The following MYCN variants were observed in gnomAD, a reference collection of about 807,000 sequenced individuals.
The protein encoded by MYCN is MYCN proto-oncogene, bHLH transcription factor, also known as N-myc proto-oncogene protein.
MYCN carries 3 observed loss-of-function variants against 28.1 expected under a neutral mutation model. That is an observed-to-expected ratio of 0.11 (90% CI 0.05 to 0.28). The LOEUF is 0.28. Ranked by LOEUF, MYCN falls within the 10% of genes least tolerant of loss-of-function variation. MYCN has a pLI of 1.00. For missense variants in MYCN, 572 were observed against 651.4 expected, an observed-to-expected ratio of 0.88 and a Z score of 1.33; for synonymous variants, 326 against 288.3, an observed-to-expected ratio of 1.13 and a Z score of -1.32.
chr2:15,946,578 A>AG lies in MYCN; in HGVS notation c.*482dup. 3.1e-6 allele frequency: 1 copy of AG among 322,086 alleles called. No individual in the cohort carries two copies. Among genetic ancestry groups the AG allele is most frequent in the East Asian group, 4.7e-5 (1 of 21,340 alleles). 20.0% of individuals were successfully genotyped at this position (322,086 alleles called of 1,614,324 possible). A position where few individuals can be genotyped will look rare whatever the true frequency, so the allele number is the denominator to read the frequency against. ...CTTTTGCGGCCAGTATTAGACTGGA[A>AG]GTTCATACCTAAGTACTGTAATAAT... On this transcript the variant is annotated 3_prime_UTR_variant, in exon 3 of 3. Coordinates refer to ENST00000281043, the MANE Select transcript of MYCN (RefSeq NM_005378.6).
At position 15,945,493 on chromosome 2, in the gene MYCN, A is replaced by C; in HGVS notation, c.791A>C (p.Asp264Ala). The C allele has an allele frequency of 6.2e-7, 1 of 1,603,100 alleles. No individual in the cohort carries two copies. Among genetic ancestry groups the C allele is most frequent in the Non-Finnish European group, 8.5e-7 (1 of 1,174,324 alleles). The change falls in exon 3 of 3, where the codon GAT becomes GCT. Residue 264 changes from aspartate (D) to alanine (A), a missense_variant and splice_region_variant. Coordinates refer to ENST00000281043, the MANE Select transcript of MYCN (RefSeq NM_005378.6). The surrounding 1 kb of genome is among the most constrained non-coding windows in gnomAD (Gnocchi z 4.8). ...TSGEDTLSDSDDEDDEEEDEE... is the reference protein window; with the variant it reads ...TSGEDTLSDSADEDDEEEDEE... Reference sequence around the variant, plus strand: ...AGAGTAACTAGCATCTTTCTCTCAGATGATGAAGATGATGAAGAGGAAGAT... The same window carrying C: ...AGAGTAACTAGCATCTTTCTCTCAGCTGATGAAGATGATGAAGAGGAAGAT...
rs1269260938 is a variant in MYCN at position 15,942,902 on chromosome 2, C to T, written c.790+48C>T. On this transcript the variant is annotated intron_variant, in intron 2 of 2. Transcript: ENST00000281043. The surrounding 1 kb of genome is among the most constrained non-coding windows in gnomAD (Gnocchi z 7.0). ...GCTGCCTCCCTGGGGCACTGGACCC[C>T]GGGTCGCGTCCCCTTTGTTAGTGCT... is the stretch of plus-strand genomic sequence containing the variant. 5 of 1,541,698 alleles carry T rather than the reference C, an allele frequency of 3.2e-6. No homozygotes were observed. The South Asian group carries it at 5.9e-5, about 18-fold the overall frequency.
At position 15,942,220 on chromosome 2, in the gene MYCN, G is replaced by C. The variant is rs1301018457; in HGVS notation, c.156G>C (p.Lys52Asn). The change falls in exon 2 of 3, where the codon AAG becomes AAC. Residue 52 changes from lysine (K) to asparagine (N), a missense_variant. Transcript: ENST00000281043. The surrounding 1 kb of genome is among the most constrained non-coding windows in gnomAD (Gnocchi z 7.0). ...STPPGEDIWKKFELLPTPPLS... is the reference protein window; with the variant it reads ...STPPGEDIWKNFELLPTPPLS... ...CCCCGGGGGAGGACATCTGGAAGAA[G>C]TTTGAGCTGCTGCCCACGCCCCCGC... 1 of 1,613,394 alleles carries C rather than the reference G, an allele frequency of 6.2e-7. No individual in the cohort carries two copies. The highest frequency in any genetic ancestry group is 8.5e-7 in the Non-Finnish European group (1 of 1,179,970).
Position 15,942,806 on chromosome 2 carries a change from G to A in MYCN, c.742G>A (p.Asp248Asn). 1 of 1,529,370 alleles carries A rather than the reference G, an allele frequency of 6.5e-7. No individual in the cohort carries two copies. The highest frequency in any genetic ancestry group is 8.7e-7 in the Non-Finnish European group (1 of 1,143,960). The allele number at this position is 1,529,370 out of a possible 1,614,324, so 94.7% of individuals were successfully genotyped here. The change falls in exon 2 of 3, where the codon GAC becomes AAC. Residue 248 changes from aspartate to asparagine, a missense_variant. Physicochemically the swap from Asp to Asn is conservative, Grantham distance 23. Transcript: ENST00000281043. This position sits in a 1 kb window ranked among gnomAD's most constrained non-coding sequence, Gnocchi z 7.0. ...RPGGRQTSGG[D>N]HKALSTSGED... is the part of the protein sequence containing the mutation. ...AGGCGGCCGCCAGACCAGCGGCGGCGACCACAAGGCCCTCAGTACCTCCGG... is the reference window on the plus strand; with the variant it reads ...AGGCGGCCGCCAGACCAGCGGCGGCAACCACAAGGCCCTCAGTACCTCCGG...
At chr2:15,944,599 T>A (rs1662810168) in intron 2 of MYCN, among the ~76,000 whole-genome samples, 1 of 152,188 alleles carries the variant, frequency 6.6e-6, no homozygotes, top group Non-Finnish European at 1.5e-5. Context: ...TAAATGAGGC[T>A]CCTAAAATGA....
At position 15,941,870 on chromosome 2, in the gene MYCN, GT is replaced by G; in HGVS notation, c.-117-76del. On this transcript the variant is annotated intron_variant, in intron 1 of 2. Coordinates refer to ENST00000281043, the MANE Select transcript of MYCN (RefSeq NM_005378.6). The surrounding 1 kb of genome is among the most constrained non-coding windows in gnomAD (Gnocchi z 4.8). Reference sequence around the variant, plus strand: ...CTTGGAGGGAAGATTGGGGAACCTGGTTAGAGGGGGCGCCCATTGCCTATCC... The same window carrying G: ...CTTGGAGGGAAGATTGGGGAACCTGGTAGAGGGGGCGCCCATTGCCTATCC... 1.6e-6 allele frequency: 1 copy of G among 642,544 alleles called. No homozygotes were observed. The highest frequency in any genetic ancestry group is 2.7e-6 in the Non-Finnish European group (1 of 368,880). 39.8% of individuals were successfully genotyped at this position (642,544 alleles called of 1,614,324 possible).
Position 15,942,879 on chromosome 2 carries a change from T to G in MYCN, c.790+25T>G, listed in dbSNP as rs1302446752. On this transcript the variant is annotated intron_variant, in intron 2 of 2. Coordinates refer to ENST00000281043, the MANE Select transcript of MYCN (RefSeq NM_005378.6). This position sits in a 1 kb window ranked among gnomAD's most constrained non-coding sequence, Gnocchi z 7.0. The stretch of plus-strand genomic sequence containing the variant: ...GGTAAAGACCGAACTCGGGTCCGGC[T>G]GCCTCCCTGGGGCACTGGACCCCGG... The G allele has an allele frequency of 6.4e-6, 10 of 1,570,162 alleles. No individual in the cohort carries two copies. The highest frequency in any genetic ancestry group is 7.7e-6 in the Non-Finnish European group (9 of 1,163,888).
chr2:15,944,312 A>G (rs1558535348), intron 2 of MYCN, among the ~76,000 whole-genome samples: 2 of 152,142 alleles, frequency 1.3e-5, no homozygotes, highest in South Asian at 2.1e-4. Flanking sequence ...GTGGTAGTCA[A>G]TGAGGAGAGA....
Position 15,942,383 on chromosome 2 carries a change from C to T in MYCN, c.319C>T (p.Pro107Ser), listed in dbSNP as rs758657333. ...CCTGGGGGGACTGGGTGGCCTCACC[C>T]CCAACCCGGTCATCCTCCAGGACTG... ...FGLGGLGGLT[P>S]NPVILQDCMW... Residue 107 changes from proline to serine, a missense_variant, in exon 2 of 3, where the codon CCC (proline) becomes TCC (serine). By Grantham distance (74) the Pro-to-Ser change is moderately conservative. Coordinates refer to ENST00000281043, the MANE Select transcript of MYCN (RefSeq NM_005378.6). The surrounding 1 kb of genome is among the most constrained non-coding windows in gnomAD (Gnocchi z 7.0). The T allele has an allele frequency of 3.1e-6, 5 of 1,607,640 alleles. No homozygotes were observed. Among genetic ancestry groups the T allele is most frequent in the East Asian group, 4.5e-5 (2 of 44,704 alleles).
Position 15,941,961 on chromosome 2 carries a change from C to T in MYCN, c.-104C>T. On this transcript the variant is annotated 5_prime_UTR_variant, in exon 2 of 3. Coordinates refer to ENST00000281043, the MANE Select transcript of MYCN (RefSeq NM_005378.6). The surrounding 1 kb of genome is among the most constrained non-coding windows in gnomAD (Gnocchi z 4.8). ...TGTCGGTTGCAGTGTTGGAGGTCGG[C>T]GCCGGCCCCCGCCTTCCGCGCCCCC... is the stretch of plus-strand genomic sequence containing the variant. The T allele has an allele frequency of 6.9e-7, 1 of 1,449,872 alleles. No individual in the cohort carries two copies. Among genetic ancestry groups the T allele is most frequent in the Non-Finnish European group, 9.4e-7 (1 of 1,059,856 alleles). The allele number at this position is 1,449,872 out of a possible 1,614,324, so 89.8% of individuals were successfully genotyped here.
In MYCN at chr2:15,941,929, G is replaced by T; in HGVS notation, c.-117-19G>T. The T allele has an allele frequency of 9.0e-7, 1 of 1,107,472 alleles. No homozygotes were observed. Among genetic ancestry groups the T allele is most frequent in the East Asian group, 2.6e-5 (1 of 38,772 alleles). The allele number at this position is 1,107,472 out of a possible 1,614,324, so 68.6% of individuals were successfully genotyped here. A position where few individuals can be genotyped will look rare whatever the true frequency, so the allele number is the denominator to read the frequency against. ...CTGCCCCGTTTGCCCACCCTCTCCG[G>T]TGTGTCTGTCGGTTGCAGTGTTGGA... On this transcript the variant is annotated intron_variant, in intron 1 of 2. Coordinates refer to ENST00000281043, the MANE Select transcript of MYCN (RefSeq NM_005378.6). The surrounding 1 kb of genome is among the most constrained non-coding windows in gnomAD (Gnocchi z 4.8).
At chr2:15,943,044 G>A (rs1029511764) in intron 2 of MYCN, among the ~76,000 whole-genome samples, 190 bp downstream of exon 2, 2 of 152,214 alleles carry the variant, frequency 1.3e-5, no homozygotes, top group African/African-American at 4.8e-5. Flanking sequence ...CGTTGCAAAA[G>A]GGGTGCTCTC....
chr2:15,945,670 G>A lies in MYCN; in HGVS notation c.968G>A (p.Cys323Tyr). The A allele has an allele frequency of 6.2e-7, 1 of 1,614,160 alleles. No homozygotes were observed. The highest frequency in any genetic ancestry group is 8.5e-7 in the Non-Finnish European group (1 of 1,180,026). The change falls in exon 3 of 3, where the codon TGC (cysteine) becomes TAC (tyrosine). Residue 323 changes from cysteine (C) to tyrosine (Y), a missense_variant. Physicochemically the swap from Cys to Tyr is radical, Grantham distance 194. Transcript: ENST00000281043. The surrounding 1 kb of genome is among the most constrained non-coding windows in gnomAD (Gnocchi z 4.8). ...AQSSELILKR[C>Y]LPIHQQHNYA... ...TCCAGCGAGCTGATCCTCAAACGAT[G>A]CCTTCCCATCCACCAGCAGCACAAC...
Position 15,946,328 on chromosome 2 carries a change from C to A in MYCN, c.*231C>A. 1.7e-6 allele frequency: 1 copy of A among 595,828 alleles called. No homozygotes were observed. The highest frequency in any genetic ancestry group is 3.0e-6 in the Non-Finnish European group (1 of 338,326). The allele number at this position is 595,828 out of a possible 1,614,324, so 36.9% of individuals were successfully genotyped here. ...AGCCTCCTCCACCTCACCTCCATGACAGCGCTAAACGTTGGTGACGGTTGG... is the reference window on the plus strand; with the variant it reads ...AGCCTCCTCCACCTCACCTCCATGAAAGCGCTAAACGTTGGTGACGGTTGG... On this transcript the variant is annotated 3_prime_UTR_variant, in exon 3 of 3. Coordinates refer to ENST00000281043, the MANE Select transcript of MYCN (RefSeq NM_005378.6).
intron 2 of MYCN, among the ~76,000 whole-genome samples, chr2:15,943,317 GCTGTGCAAAGCC>G (rs967551878): frequency 2.0e-5 from 3 of 152,136 alleles, no homozygotes; most frequent in Non-Finnish European, 4.4e-5. Flanking sequence ...AGATTCAAGG[GCTGTGCAAAGCC>G]CTGTTTAAGG....
rs769881620 is a variant in MYCN, at chr2:15,942,763, G to T, written c.699G>T (p.Gly233=). The change falls in exon 2 of 3, where the codon GGG becomes GGT. Residue 233 remains glycine, a synonymous_variant. Coordinates refer to ENST00000281043, the MANE Select transcript of MYCN (RefSeq NM_005378.6). The surrounding 1 kb of genome is among the most constrained non-coding windows in gnomAD (Gnocchi z 7.0). ...AGIAAPAGAP[G]VAPPRPGGRQ... Reference sequence around the variant, plus strand: ...TTGCCGCCCCAGCCGGGGCCCCGGGGGTCGCCCCTCCGCGCCCAGGCGGCC... The same window carrying T: ...TTGCCGCCCCAGCCGGGGCCCCGGGTGTCGCCCCTCCGCGCCCAGGCGGCC... 17 of 1,435,972 alleles carry T rather than the reference G, an allele frequency of 1.2e-5. No homozygotes were observed. In the East Asian group the frequency reaches 3.4e-4, roughly 29 times the overall value. The allele number at this position is 1,435,972 out of a possible 1,614,324, so 89.0% of individuals were successfully genotyped here. A position where few individuals can be genotyped will look rare whatever the true frequency, so the allele number is the denominator to read the frequency against.
Position 15,946,094 on chromosome 2 carries a change from C to A in MYCN, c.1392C>A (p.Cys464Ter). ...AGAAAATTGAACACGCTCGGACTTG[C>A]TAGACGCTTCTCAAAACTGGACAGT... ...LLKKIEHARTC is the reference protein window; with the variant it reads ...LLKKIEHART Residue 464 changes from cysteine (C) to a stop codon, truncating the protein, a stop_gained, in exon 3 of 3, where the codon TGC (cysteine) becomes TGA (stop). Transcript: ENST00000281043. LOFTEE classifies it high-confidence loss of function. 6.2e-7 allele frequency: 1 copy of A among 1,614,140 alleles called. No individual in the cohort carries two copies. The highest frequency in any genetic ancestry group is 8.5e-7 in the Non-Finnish European group (1 of 1,180,046).
Position 15,942,690 on chromosome 2 carries a change from C to A in MYCN, c.626C>A (p.Pro209Gln), listed in dbSNP as rs1438100504. The A allele has an allele frequency of 1.7e-6, 2 of 1,187,260 alleles. No individual in the cohort carries two copies. The highest frequency in any genetic ancestry group is 3.9e-5 in the East Asian group (1 of 25,402). 73.5% of individuals were successfully genotyped at this position (1,187,260 alleles called of 1,614,324 possible). Residue 209 changes from proline (P) to glutamine (Q), a missense_variant, in exon 2 of 3, where the codon CCG becomes CAG. Coordinates refer to ENST00000281043, the MANE Select transcript of MYCN (RefSeq NM_005378.6). This position sits in a 1 kb window ranked among gnomAD's most constrained non-coding sequence, Gnocchi z 7.0. The stretch of plus-strand genomic sequence containing the variant: ...GAGCCAGCGCCCGTGCCCGCAGCCC[C>A]GGCCAGTGCCCCGGCGGCGGGCCCT... ...KREPAPVPAA[P>Q]ASAPAAGPAV...
intron 2 of MYCN, among the ~76,000 whole-genome samples, chr2:15,944,856 T>G (rs897346508): frequency 6.6e-6 from 1 of 152,190 alleles, no homozygotes; most frequent in Non-Finnish European, 1.5e-5. Context: ...GGATTCTGTC[T>G]GACCCTAAAG....
Sources: allele counts gnomAD v4.1 joint callset (sites outside exome capture counted in the v4.1 genomes callset), GRCh38; gene constraint gnomAD v4.1.1; non-coding constraint Gnocchi (gnomAD v3.1); transcripts MANE v1.5; gene names NCBI Gene and HGNC (gene_info 2026-07-23, HGNC 2026-07-21).